ACYP2: variants seen among roughly 807,000 people sequenced by gnomAD.
The protein encoded by ACYP2 is acylphosphatase 2.
A neutral mutation model predicts 11.2 loss-of-function variants in ACYP2; 12 were observed. The observed-to-expected ratio is 1.08, with a 90% CI of 0.69 to 1.74. ACYP2 has a LOEUF of 1.74. ACYP2 is among the 40% of genes most tolerant of loss of function. The pLI, the probability that ACYP2 is intolerant of heterozygous loss-of-function variation, is 0.00. For synonymous variants in ACYP2, 43 were observed against 32.2 expected, an observed-to-expected ratio of 1.33 and a Z score of -1.13; for missense variants, 134 against 101.9, an observed-to-expected ratio of 1.31 and a Z score of -1.35.
intron 4 of ACYP2, among the ~76,000 whole-genome samples, chr2:54,092,661 C>T (rs1678297858): frequency 6.6e-6 from 1 of 152,086 alleles, no homozygotes; most frequent in South Asian, 2.1e-4. Context: ...TGTAACTTGG[C>T]CCCCTGACAT....
intron 6 of ACYP2, among the ~76,000 whole-genome samples, chr2:54,158,123 T>C (rs1426598793): frequency 6.6e-6 from 1 of 151,836 alleles, no homozygotes; most frequent in East Asian, 1.9e-4. Flanking sequence ...CCTCCCAGGT[T>C]CAAGCAATTC....
intron 6 of ACYP2, among the ~76,000 whole-genome samples, chr2:54,226,432 C>T (rs557571684): frequency 2.0e-5 from 3 of 152,194 alleles, no homozygotes; most frequent in African/African-American, 7.2e-5. Flanking sequence ...AAAGAATTTA[C>T]AGTACAGAAC....
intron 2 of ACYP2, among the ~76,000 whole-genome samples, chr2:53,987,067 G>A (rs1672071501): frequency 6.6e-6 from 1 of 152,204 alleles, no homozygotes; most frequent in Non-Finnish European, 1.5e-5. Context: ...ACAGAATGTT[G>A]AAGCAAAATC....
chr2:54,055,129 C>T (rs767168323), intron 3 of ACYP2, among the ~76,000 whole-genome samples: 3 of 152,074 alleles, frequency 2.0e-5, no homozygotes, highest in South Asian at 2.1e-4. Flanking sequence ...CTCCACCTCC[C>T]GGGTTCAAGC....
chr2:54,175,329 TA>T (rs1683411450), intron 6 of ACYP2, among the ~76,000 whole-genome samples: 1 of 152,202 alleles, frequency 6.6e-6, no homozygotes, highest in Admixed American at 6.5e-5. Flanking sequence ...GAGGTGTTTT[TA>T]GTATTCTCTG....
At chr2:53,972,183 G>T (rs1671175424) in intron 1 of ACYP2, among the ~76,000 whole-genome samples, 1 of 151,260 alleles carries the variant, frequency 6.6e-6, no homozygotes, top group Non-Finnish European at 1.5e-5. Context: ...GGTGGCGGAC[G>T]CCTGTAATCC....
At chr2:54,008,570 G>T (rs1462993288) in intron 2 of ACYP2, among the ~76,000 whole-genome samples, 1 of 152,156 alleles carries the variant, frequency 6.6e-6, no homozygotes, top group Non-Finnish European at 1.5e-5. Flanking sequence ...CAGAGGCAAA[G>T]AATTACATTC....
rs554794266 is a variant in ACYP2 at position 54,196,147 on chromosome 2, C to T, written c.404+57399C>T. Among the ~76,000 whole-genome samples the T allele has an allele frequency of 3.3e-5, 5 of 152,168 alleles. No homozygotes were observed. The South Asian group carries it at 6.2e-4, about 19-fold the overall frequency. Reference sequence around the variant, plus strand: ...GGATTTTATTACTAAAGAGAAAGGGCTGAATGTGTATTAAATGGGCATCTA... The same window carrying T: ...GGATTTTATTACTAAAGAGAAAGGGTTGAATGTGTATTAAATGGGCATCTA... On this transcript the variant is annotated intron_variant, in intron 6 of 6. Transcript: ENST00000607452.
chr2:54,256,232 G>C (rs535478928), intron 6 of ACYP2: 4 of 1,491,506 alleles, frequency 2.7e-6, no homozygotes, highest in Non-Finnish European at 3.6e-6. Context: ...AAAATGGCGA[G>C]TAAACACCTC....
intron 6 of ACYP2, among the ~76,000 whole-genome samples, chr2:54,175,399 C>T (rs758185384): frequency 1.3e-4 from 20 of 151,828 alleles, no homozygotes; most frequent in Non-Finnish European, 2.1e-4. Flanking sequence ...TTTGTTATTG[C>T]GTCTATTTGA....
intron 6 of ACYP2, among the ~76,000 whole-genome samples, chr2:54,153,222 A>G (rs933985931): frequency 9.2e-5 from 14 of 151,614 alleles, no homozygotes; most frequent in African/African-American, 3.4e-4. Context: ...TCTTTATTGA[A>G]GAGACTGTCT....
intron 6 of ACYP2, among the ~76,000 whole-genome samples, chr2:54,198,125 T>C (rs1684593493): frequency 6.6e-6 from 1 of 152,014 alleles, no homozygotes; most frequent in South Asian, 2.1e-4. Context: ...GTTCAAGTGA[T>C]TCTCCTGCCT....
At chr2:54,172,944 C>T (rs1572888221) in intron 6 of ACYP2, among the ~76,000 whole-genome samples, 1 of 152,216 alleles carries the variant, frequency 6.6e-6, no homozygotes, top group Non-Finnish European at 1.5e-5. Context: ...TCCACTCTAT[C>T]ATTGATGGAC....
intron 4 of ACYP2, among the ~76,000 whole-genome samples, chr2:54,084,352 T>C (rs926990036): frequency 3.0e-4 from 46 of 152,344 alleles, no homozygotes; most frequent in Non-Finnish European, 1.8e-4. Flanking sequence ...TGGAGTGCAG[T>C]GGAGCCATCT....
intron 6 of ACYP2, among the ~76,000 whole-genome samples, chr2:54,230,862 C>G (rs1303363836): frequency 1.5e-5 from 2 of 137,228 alleles, no homozygotes; most frequent in African/African-American, 5.5e-5. Context: ...CAAAGTCTTG[C>G]TCTTGTCCCC....
chr2:54,096,606 G>A (rs1678597170), intron 4 of ACYP2, among the ~76,000 whole-genome samples: 1 of 152,160 alleles, frequency 6.6e-6, no homozygotes, highest in Non-Finnish European at 1.5e-5. Context: ...CGAGGCTGGC[G>A]GATCCCTCGC....
intron 6 of ACYP2, among the ~76,000 whole-genome samples, chr2:54,192,804 C>A (rs916029652): frequency 2.0e-4 from 31 of 152,028 alleles, no homozygotes; most frequent in African/African-American, 7.5e-4. Flanking sequence ...TGGAAGGCAC[C>A]CCTTCACAGG....
intron 6 of ACYP2, among the ~76,000 whole-genome samples, chr2:54,180,446 C>T (rs843680): frequency 6.6e-6 from 1 of 151,912 alleles, no homozygotes; most frequent in African/African-American, 2.4e-5. Context: ...CTGGGGGTTG[C>T]CAGGCATCAG....
chr2:54,183,953 G>A (rs1191466413), intron 6 of ACYP2, among the ~76,000 whole-genome samples: 1 of 152,152 alleles, frequency 6.6e-6, no homozygotes, highest in African/African-American at 2.4e-5. Flanking sequence ...ACATTTAAGA[G>A]TAATGCGAGT....
Sources: allele counts gnomAD v4.1 joint callset (sites outside exome capture counted in the v4.1 genomes callset), GRCh38; gene constraint gnomAD v4.1.1; transcripts MANE v1.5; gene names NCBI Gene and HGNC (gene_info 2026-07-23, HGNC 2026-07-21).